Variants in EXOC3L2 observed in about 807,000 individuals in gnomAD.
EXOC3L2 encodes the protein exocyst complex component 3-like protein 2.
A neutral mutation model predicts 44.4 loss-of-function variants in EXOC3L2; 17 were observed. The observed-to-expected ratio is 0.38, with a 90% CI of 0.26 to 0.57. The LOEUF is 0.57. Among genes scored for constraint, EXOC3L2 ranks in the 20% least tolerant of loss-of-function variants. The pLI, the probability that EXOC3L2 is intolerant of heterozygous loss-of-function variation, is 0.65. For synonymous variants in EXOC3L2, 256 were observed against 253.7 expected (o/e 1.01, Z -0.09); for missense variants, 541 against 588.4 (o/e 0.92, Z 0.83).
intron 4 of EXOC3L2, 121 bp from the exon 5 acceptor site, chr19:45,228,387 A>G (rs1969990849): frequency 1.2e-5 from 10 of 811,658 alleles, no homozygotes; most frequent in East Asian, 2.7e-5. Context: ...GATTCTACCT[A>G]TGAGCTTGTC....
In EXOC3L2 at chr19:45,212,620, T is replaced by TTTTA. The variant is rs1969786452; in HGVS notation, c.*448_*449insTAAA. ...TACCTTTTTTTTTTTTTTTTTTTTT[T>TTTTA]GAGAAAGGGTCTTGCTTTGTTGACC... is the stretch of plus-strand genomic sequence containing the variant. On this transcript the variant is annotated 3_prime_UTR_variant, in exon 12 of 12. Coordinates refer to ENST00000413988, the MANE Select transcript of EXOC3L2 (RefSeq NM_001382422.1). 1.6e-5 allele frequency: 2 copies of TTTTA among 128,384 alleles called. No individual in the cohort carries two copies. The highest frequency in any genetic ancestry group is 8.1e-5 in the Admixed American group (1 of 12,278). 8.0% of individuals were successfully genotyped at this position (128,384 alleles called of 1,614,324 possible). A position where few individuals can be genotyped will look rare whatever the true frequency, so the allele number is the denominator to read the frequency against.
rs1970064362 is a variant in EXOC3L2, at chr19:45,234,630, C to G, written c.720G>C (p.Ala240=). The stretch of plus-strand genomic sequence containing the variant: ...GGCCCGCCAGCGTCTCGCGCACCAG[C>G]GCCCACAGCTCGCGCTGCAGGGCCT... ...LYEALQRELW[A]LVRETLAGPG... The change falls in exon 3 of 12, where the codon GCG becomes GCC. Residue 240 remains alanine (A), a synonymous_variant. Transcript: ENST00000413988. This position sits in a 1 kb window ranked among gnomAD's most constrained non-coding sequence, Gnocchi z 5.0. The G allele has an allele frequency of 1.2e-5, 4 of 344,816 alleles. No individual in the cohort carries two copies. The highest frequency in any genetic ancestry group is 1.6e-5 in the Non-Finnish European group (3 of 191,152). 21.4% of individuals were successfully genotyped at this position (344,816 alleles called of 1,614,324 possible). A position where few individuals can be genotyped will look rare whatever the true frequency, so the allele number is the denominator to read the frequency against.
At chr19:45,214,382 C>T (rs1278333803) in intron 11 of EXOC3L2, among the ~76,000 whole-genome samples, 1 of 152,196 alleles carries the variant, frequency 6.6e-6, no homozygotes, top group African/African-American at 2.4e-5. Flanking sequence ...CCGGCAGCCA[C>T]CACCACTGCC....
At chr19:45,242,093 G>A (rs2122996531) in intron 1 of EXOC3L2, among the ~76,000 whole-genome samples, 1 of 152,342 alleles carries the variant, frequency 6.6e-6, no homozygotes, top group Non-Finnish European at 1.5e-5. Context: ...TCCTTGATAA[G>A]GGACAGGCTT....
intron 7 of EXOC3L2, among the ~76,000 whole-genome samples, chr19:45,227,325 G>A (rs1239372908): frequency 6.6e-6 from 1 of 151,312 alleles, no homozygotes; most frequent in Admixed American, 6.6e-5. Context: ...GTTTCACCGT[G>A]TTAGCCAGGA....
Position 45,224,850 on chromosome 19 carries a change from A to C in EXOC3L2, c.1647T>G (p.Ser549=). The C allele has an allele frequency of 6.3e-7, 1 of 1,592,004 alleles. No homozygotes were observed. The highest frequency in any genetic ancestry group is 8.6e-7 in the Non-Finnish European group (1 of 1,168,668). The change falls in exon 8 of 12, where the codon TCT becomes TCG. Residue 549 remains serine (S), a synonymous_variant. Coordinates refer to ENST00000413988, the MANE Select transcript of EXOC3L2 (RefSeq NM_001382422.1). ...GGGTCACATGGTCCAGAGCACTAGCAGATGCTTCCCGGGCCGGCTCGCTTT... is the reference window on the plus strand; with the variant it reads ...GGGTCACATGGTCCAGAGCACTAGCCGATGCTTCCCGGGCCGGCTCGCTTT... The part of the protein sequence containing the change: ...PPESEPAREA[S]ASALDHVTRL...
chr19:45,226,279 A>G (rs1969959221), intron 7 of EXOC3L2, among the ~76,000 whole-genome samples: 1 of 152,120 alleles, frequency 6.6e-6, no homozygotes. Flanking sequence ...CCATTCGGCA[A>G]TGGAAGAACA....
At chr19:45,230,914 G>A (rs1208467602) in intron 4 of EXOC3L2, among the ~76,000 whole-genome samples, 1 of 150,998 alleles carries the variant, frequency 6.6e-6, no homozygotes, top group East Asian at 2.0e-4. Context: ...GCAAGACCCT[G>A]TCTCTGCAAA....
At chr19:45,242,069 G>A (rs554390227) in intron 1 of EXOC3L2, among the ~76,000 whole-genome samples, 5 of 152,308 alleles carry the variant, frequency 3.3e-5, no homozygotes, top group East Asian at 1.9e-4. Context: ...AGCAGGCCAC[G>A]CAGGGCTTTA....
chr19:45,226,459 T>G (rs1257707099), intron 7 of EXOC3L2, among the ~76,000 whole-genome samples: 1 of 152,000 alleles, frequency 6.6e-6, no homozygotes, highest in African/African-American at 2.4e-5. Flanking sequence ...TTTTTTGAGA[T>G]GGAGTCTCGC....
chr19:45,215,868 G>T (rs908552120), intron 11 of EXOC3L2, among the ~76,000 whole-genome samples: 1 of 152,212 alleles, frequency 6.6e-6, no homozygotes, highest in Non-Finnish European at 1.5e-5. Flanking sequence ...TGTGAGCCCT[G>T]GTGGCGGTGG....
chr19:45,243,705 C>A (rs1474559618), intron 1 of EXOC3L2, among the ~76,000 whole-genome samples: 1 of 152,202 alleles, frequency 6.6e-6, no homozygotes, highest in East Asian at 1.9e-4. Flanking sequence ...TTTCAGCTCA[C>A]TGCACCTCCA....
chr19:45,227,285 T>C (rs1158551873), intron 7 of EXOC3L2, among the ~76,000 whole-genome samples: 1 of 113,838 alleles, frequency 8.8e-6, no homozygotes, highest in Non-Finnish European at 1.6e-5. Flanking sequence ...GCCCGGCTAA[T>C]TTTTTTTTGT....
chr19:45,243,654 G>T (rs1970147815), intron 1 of EXOC3L2, among the ~76,000 whole-genome samples: 2 of 152,058 alleles, frequency 1.3e-5, no homozygotes, highest in Admixed American at 1.3e-4. Flanking sequence ...TTTTCAGATG[G>T]AGTCTCGCTC....
intron 4 of EXOC3L2, among the ~76,000 whole-genome samples, chr19:45,230,408 C>T (rs1455262230): frequency 2.0e-5 from 3 of 152,160 alleles, no homozygotes; most frequent in African/African-American, 7.2e-5. Context: ...TTACTAGAGA[C>T]GGGGTTTCAC....
chr19:45,227,900 C>A (rs987043156), intron 6 of EXOC3L2, 74 bp downstream of exon 6: 1 of 1,534,514 alleles, frequency 6.5e-7, no homozygotes, highest in Non-Finnish European at 8.9e-7. Context: ...TCTCATCTCT[C>A]CTCTCTCTAT....
intron 4 of EXOC3L2, 51 bp from the exon 5 acceptor site, chr19:45,228,317 C>CTT: frequency 1.3e-6 from 2 of 1,501,470 alleles, no homozygotes; most frequent in African/African-American, 1.4e-5. Context: ...GCCTGGAGGT[C>CTT]TTTTTTTTTA....
chr19:45,227,947 C>T, intron 6 of EXOC3L2, 27 bp downstream of exon 6: 1 of 1,604,656 alleles, frequency 6.2e-7, no homozygotes, highest in South Asian at 1.1e-5. Flanking sequence ...CCCAGCAGAG[C>T]TAACCTGTGC....
Position 45,216,060 on chromosome 19 carries a change from CG to C in EXOC3L2, c.2120+12del. The C allele has an allele frequency of 6.2e-7, 1 of 1,613,020 alleles. No homozygotes were observed. The highest frequency in any genetic ancestry group is 8.5e-7 in the Non-Finnish European group (1 of 1,179,492). The stretch of plus-strand genomic sequence containing the variant: ...CAGGCACGGCGAGCCCTGGCCCAGG[CG>C]GGGTGTCTCACCTGATGTCTGGGTA... On this transcript the variant is annotated intron_variant, in intron 11 of 11. Coordinates refer to ENST00000413988, the MANE Select transcript of EXOC3L2 (RefSeq NM_001382422.1).
Sources: allele counts gnomAD v4.1 joint callset (sites outside exome capture counted in the v4.1 genomes callset), GRCh38; gene constraint gnomAD v4.1.1; non-coding constraint Gnocchi (gnomAD v3.1); transcripts MANE v1.5; gene names NCBI Gene and HGNC (gene_info 2026-07-23, HGNC 2026-07-21).